DCTN4: variants seen among roughly 807,000 people sequenced by gnomAD.
DCTN4 encodes the protein dynactin 4 (p62).
A neutral mutation model predicts 62.7 loss-of-function variants in DCTN4; 23 were observed. That is an observed-to-expected ratio of 0.37 (90% CI 0.26 to 0.52). DCTN4 has a LOEUF of 0.52. DCTN4 is among the 20% of genes least tolerant of loss of function. The pLI, the probability that DCTN4 is intolerant of heterozygous loss-of-function variation, is 0.92. For missense variants in DCTN4, 514 were observed against 580.4 expected (o/e 0.89, Z 1.18); for synonymous variants, 199 against 202.1 (o/e 0.98, Z 0.13).
At chr5:150,740,274 C>G (rs1760722086) in intron 4 of DCTN4, among the ~76,000 whole-genome samples, 1 of 151,824 alleles carries the variant, frequency 6.6e-6, no homozygotes, top group African/African-American at 2.4e-5. Flanking sequence ...CATGAATAGA[C>G]ATTTCTCAAA....
intron 1 of DCTN4, 131 bp downstream of exon 1, chr5:150,758,728 C>T: frequency 7.1e-7 from 1 of 1,410,356 alleles, no homozygotes; most frequent in Non-Finnish European, 9.6e-7. Context: ...AAATCGCAGG[C>T]AAACCCGAGT....
intron 2 of DCTN4, 85 bp from the exon 3 acceptor site, chr5:150,753,742 T>A: frequency 7.2e-7 from 1 of 1,392,478 alleles, no homozygotes; most frequent in Admixed American, 2.4e-5. Flanking sequence ...CAAGTGTCTC[T>A]CAAGAAAAAA....
At chr5:150,743,746 T>C (rs542836855) in intron 3 of DCTN4, among the ~76,000 whole-genome samples, 16 of 152,340 alleles carry the variant, frequency 1.1e-4, no homozygotes, top group Admixed American at 9.8e-4. Context: ...GGGTCCTGTC[T>C]GTTAGAAGGA....
Position 150,758,987 on chromosome 5 carries a change from A to T in DCTN4, c.7T>A (p.Ser3Thr), listed in dbSNP as rs1752964954. The T allele has an allele frequency of 1.9e-6, 3 of 1,613,784 alleles. No individual in the cohort carries two copies. The highest frequency in any genetic ancestry group is 2.5e-6 in the Non-Finnish European group (3 of 1,179,860). ...AGAACCCGGTCCGACTGCAGCAAGG[A>T]CGCCATCTTGGGGAGGGAGGAGGCG... MA[S>T]LLQSDRVLYL... Residue 3 changes from serine to threonine, a missense_variant, in exon 1 of 13, where the codon TCC becomes ACC. Ser to Thr is a moderately conservative substitution (Grantham distance 58, BLOSUM62 1). Transcript: ENST00000447998.
At chr5:150,715,311 G>A (rs906755627) in intron 12 of DCTN4, among the ~76,000 whole-genome samples, 5 of 152,102 alleles carry the variant, frequency 3.3e-5, no homozygotes, top group Admixed American at 2.0e-4. Context: ...TGTATTTATA[G>A]AATGATCCCA....
At chr5:150,731,006 G>T in intron 7 of DCTN4, 38 bp downstream of exon 7, 7 of 1,238,778 alleles carry the variant, frequency 5.7e-6, no homozygotes, top group Non-Finnish European at 7.1e-6. Flanking sequence ...AGAATTAGAT[G>T]TAGACTAGAA....
At chr5:150,731,863 A>G (rs1430193294) in intron 5 of DCTN4, 1 of 1,550,872 alleles carries the variant, frequency 6.4e-7, no homozygotes, top group Non-Finnish European at 8.7e-7. Context: ...CAGGGTCAGC[A>G]AGAATCATAA....
At chr5:150,719,593 GTCT>G in intron 10 of DCTN4, 120 bp downstream of exon 10, 1 of 697,830 alleles carries the variant, frequency 1.4e-6, no homozygotes, top group Non-Finnish European at 2.5e-6. Flanking sequence ...ATCCCAAACT[GTCT>G]TCTTTTCTAT....
chr5:150,736,912 G>A (rs1760602509), intron 4 of DCTN4, among the ~76,000 whole-genome samples: 1 of 151,940 alleles, frequency 6.6e-6, no homozygotes, highest in African/African-American at 2.4e-5. Flanking sequence ...ATGGTAAAGG[G>A]GTAAAAAAAG....
chr5:150,740,177 A>G (rs746569782), intron 4 of DCTN4, among the ~76,000 whole-genome samples: 11 of 152,236 alleles, frequency 7.2e-5, no homozygotes, highest in Non-Finnish European at 1.2e-4. Flanking sequence ...TGCATCCAAC[A>G]AAGGACTAAT....
At chr5:150,718,473 C>G in intron 10 of DCTN4, 90 bp from the exon 11 acceptor site, 1 of 800,064 alleles carries the variant, frequency 1.2e-6, no homozygotes, top group Admixed American at 2.1e-5. Flanking sequence ...CCCGCCATTA[C>G]TCCTGGGCAA....
chr5:150,730,178 T>C (rs1760307497), intron 8 of DCTN4, among the ~76,000 whole-genome samples: 1 of 152,260 alleles, frequency 6.6e-6, no homozygotes, highest in Non-Finnish European at 1.5e-5. Context: ...AGTACTCCTC[T>C]AAAAGGTTTC....
At chr5:150,753,727 A>G in intron 2 of DCTN4, 70 bp from the exon 3 acceptor site, 1 of 1,474,118 alleles carries the variant, frequency 6.8e-7, no homozygotes, top group South Asian at 1.3e-5. Context: ...GAACAAATAT[A>G]AGGACAAGTG....
intron 1 of DCTN4, chr5:150,758,215 C>CT: frequency 2.0e-6 from 2 of 985,604 alleles, no homozygotes; most frequent in Non-Finnish European, 2.4e-6. Flanking sequence ...CCGGGGTCTT[C>CT]TTTTTGAAAA....
intron 8 of DCTN4, among the ~76,000 whole-genome samples, chr5:150,726,812 A>T (rs1760161341): frequency 6.6e-6 from 1 of 152,244 alleles, no homozygotes; most frequent in Non-Finnish European, 1.5e-5. Flanking sequence ...AAACTTAAGC[A>T]GAAGAACAGC....
chr5:150,731,777 G>T, intron 5 of DCTN4: 1 of 1,049,442 alleles, frequency 9.5e-7, no homozygotes, highest in Non-Finnish European at 1.4e-6. Flanking sequence ...TACGGCTCAG[G>T]CAAGAACTAT....
Position 150,719,871 on chromosome 5 carries a change from T to A in DCTN4, c.909-101A>T. On this transcript the variant is annotated intron_variant, in intron 9 of 12. Coordinates refer to ENST00000447998, the MANE Select transcript of DCTN4 (RefSeq NM_016221.4). ...AGTACATAAAGGATTTCATGTTAAT[T>A]AGAATGTATCAGAAAAAAAATAATT... The A allele has an allele frequency of 9.8e-6, 7 of 717,806 alleles. 1 individual carries two copies. In the South Asian group the frequency reaches 1.3e-4, roughly 14 times the overall value. 44.5% of individuals were successfully genotyped at this position (717,806 alleles called of 1,614,324 possible).
intron 9 of DCTN4, among the ~76,000 whole-genome samples, 184 bp from the exon 10 acceptor site, chr5:150,719,954 A>G (rs1047180191): frequency 6.6e-6 from 1 of 152,238 alleles, no homozygotes; most frequent in African/African-American, 2.4e-5. Context: ...CCAAACTGGT[A>G]TGAGTTCTTT....
chr5:150,731,356 A>G, intron 6 of DCTN4, 60 bp downstream of exon 6: 1 of 1,382,002 alleles, frequency 7.2e-7, no homozygotes, highest in Non-Finnish European at 1.0e-6. Context: ...AATCTCATTT[A>G]TTTGATATTC....
Sources: allele counts gnomAD v4.1 joint callset (sites outside exome capture counted in the v4.1 genomes callset), GRCh38; gene constraint gnomAD v4.1.1; transcripts MANE v1.5; gene names NCBI Gene and HGNC (gene_info 2026-07-23, HGNC 2026-07-21).